Variants in CCNY observed in about 807,000 individuals in gnomAD.
The protein encoded by CCNY is cyclin Y, also known as cyclin-Y.
A neutral mutation model predicts 42.8 loss-of-function variants in CCNY; 19 were observed. The observed-to-expected ratio is 0.44, with a 90% CI of 0.31 to 0.65. The LOEUF (loss-of-function observed/expected upper bound fraction) is 0.65, where lower values mean the gene tolerates loss of function less well. CCNY is among the 30% of genes least tolerant of loss of function. The pLI is 0.07. For missense variants in CCNY, 370 were observed against 437.3 expected, an observed-to-expected ratio of 0.85 and a Z score of 1.37; for synonymous variants, 165 against 162.7, an observed-to-expected ratio of 1.01 and a Z score of -0.11.
chr10:35,568,212 T>C (rs916162046), intron 9 of CCNY, among the ~76,000 whole-genome samples: 1 of 152,230 alleles, frequency 6.6e-6, no homozygotes, highest in Non-Finnish European at 1.5e-5. Flanking sequence ...GCACCTGCTG[T>C]TCCCTCAGGT....
chr10:35,298,156 A>G (rs1039769907), intron 3 of CCNY, among the ~76,000 whole-genome samples: 1 of 152,236 alleles, frequency 6.6e-6, no homozygotes, highest in Non-Finnish European at 1.5e-5. Flanking sequence ...ACATAGACCA[A>G]TGGAACAGAA....
At chr10:35,472,546 A>G (rs1366675768) in intron 1 of CCNY, among the ~76,000 whole-genome samples, 1 of 152,068 alleles carries the variant, frequency 6.6e-6, no homozygotes, top group Admixed American at 6.6e-5. Context: ...TATCCTCAGT[A>G]CCTGTAACTC....
At chr10:35,521,151 C>T (rs1348865897) in intron 4 of CCNY, among the ~76,000 whole-genome samples, 1 of 152,202 alleles carries the variant, frequency 6.6e-6, no homozygotes, top group Admixed American at 6.5e-5. Context: ...TTTTCTTGTG[C>T]AAGAAAATAG....
At chr10:35,430,351 A>AAAG in intron 1 of CCNY, among the ~76,000 whole-genome samples, 1 of 150,190 alleles carries the variant, frequency 6.7e-6, no homozygotes, top group East Asian at 1.9e-4. Flanking sequence ...AAAAAAAAAA[A>AAAG]AAAAAAAAAA....
At chr10:35,263,356 C>CAAAAAAAAAAA (rs71523372) in intron 3 of CCNY, among the ~76,000 whole-genome samples, 1 of 44,298 alleles carries the variant, frequency 2.3e-5, no homozygotes, top group Non-Finnish European at 4.1e-5. Context: ...GACTCCGTCT[C>CAAAAAAAAAAA]AAAAAAAAAA....
chr10:35,294,082 G>C (rs957158995), intron 3 of CCNY, among the ~76,000 whole-genome samples: 1 of 152,118 alleles, frequency 6.6e-6, no homozygotes, highest in South Asian at 2.1e-4. Flanking sequence ...GAGCCACTGC[G>C]TCTGGCACAA....
intron 3 of CCNY, among the ~76,000 whole-genome samples, chr10:35,287,533 T>C (rs139600864): frequency 3.1e-4 from 47 of 152,360 alleles, no homozygotes; most frequent in African/African-American, 1.0e-3. Context: ...ATCTGTTTTC[T>C]TTCCGTATTA....
At chr10:35,527,649 GCT>G in intron 5 of CCNY, among the ~76,000 whole-genome samples, 1 of 152,206 alleles carries the variant, frequency 6.6e-6, no homozygotes, top group Non-Finnish European at 1.5e-5. Context: ...TTAATCTATT[GCT>G]CTCCTAGATT....
intron 1 of CCNY, among the ~76,000 whole-genome samples, chr10:35,461,283 G>GA (rs1286633723): frequency 6.6e-6 from 1 of 152,296 alleles, no homozygotes; most frequent in Non-Finnish European, 1.5e-5. Flanking sequence ...TGTGATGGGG[G>GA]AAAGAGATTA....
rs1239265544 is a variant in CCNY at position 35,572,309 on chromosome 10, T to A, written c.*3139T>A. The A allele has an allele frequency of 6.6e-6, 1 of 151,776 alleles. No individual in the cohort carries two copies. The highest frequency in any genetic ancestry group is 2.4e-5 in the African/African-American group (1 of 41,216). 9.4% of individuals were successfully genotyped at this position (151,776 alleles called of 1,614,324 possible). A position where few individuals can be genotyped will look rare whatever the true frequency, so the allele number is the denominator to read the frequency against. On this transcript the variant is annotated 3_prime_UTR_variant, in exon 10 of 10. Transcript: ENST00000374704. The stretch of plus-strand genomic sequence containing the variant: ...TTTTTTTTCTTTTTTTGAGATGGAG[T>A]CTCGCTCTTGTCACCCAGGCTGGTG...
intron 1 of CCNY, among the ~76,000 whole-genome samples, chr10:35,422,835 C>CT (rs1429616192): frequency 1.3e-5 from 2 of 152,010 alleles, no homozygotes; most frequent in Non-Finnish European, 2.9e-5. Flanking sequence ...TGTTTTATTG[C>CT]TAAAAAACAT....
At chr10:35,348,635 A>G (rs1836359837) in intron 1 of CCNY, among the ~76,000 whole-genome samples, 3 of 152,220 alleles carry the variant, frequency 2.0e-5, no homozygotes, top group South Asian at 2.1e-4. Context: ...GGAGGACCCC[A>G]TTGCAAGATA....
At chr10:35,519,760 C>A (rs957827991) in intron 4 of CCNY, among the ~76,000 whole-genome samples, 1 of 114,766 alleles carries the variant, frequency 8.7e-6, no homozygotes, top group Non-Finnish European at 1.9e-5. Flanking sequence ...AAAGTATCTT[C>A]TTTTTCTTTT....
At chr10:35,504,035 CTTA>C (rs773520572) in intron 3 of CCNY, among the ~76,000 whole-genome samples, 2 of 152,068 alleles carry the variant, frequency 1.3e-5, no homozygotes, top group Non-Finnish European at 2.9e-5. Flanking sequence ...ATTTTTCGCC[CTTA>C]TTATACCATT....
At chr10:35,540,767 T>C (rs182181161) in intron 7 of CCNY, among the ~76,000 whole-genome samples, 15 of 152,330 alleles carry the variant, frequency 9.8e-5, no homozygotes. Context: ...TTTCTAGGAA[T>C]TTGTGCATTT....
intron 1 of CCNY, among the ~76,000 whole-genome samples, chr10:35,427,411 G>T (rs1340315969): frequency 6.6e-6 from 1 of 152,190 alleles, no homozygotes; most frequent in African/African-American, 2.4e-5. Context: ...AACTTCCTAG[G>T]TGAGTCTAAT....
intron 1 of CCNY, among the ~76,000 whole-genome samples, chr10:35,430,786 C>T (rs1237699304): frequency 6.6e-6 from 1 of 151,970 alleles, no homozygotes; most frequent in African/African-American, 2.4e-5. Flanking sequence ...AGGGATATTT[C>T]AAAAAATGTT....
At chr10:35,337,255 G>A (rs1350513539) in intron 1 of CCNY, 48 bp downstream of exon 1, 2 of 1,439,532 alleles carry the variant, frequency 1.4e-6, no homozygotes, top group Admixed American at 2.3e-5. Context: ...GGCAACAGTC[G>A]CACAGCCAAC....
At chr10:35,434,887 C>G (rs775964071) in intron 1 of CCNY, among the ~76,000 whole-genome samples, 1 of 152,194 alleles carries the variant, frequency 6.6e-6, no homozygotes, top group African/African-American at 2.4e-5. Flanking sequence ...TCACTTTGTG[C>G]CCCTTATACT....
Sources: gnomAD v4.1 joint callset for allele counts (sites outside exome capture counted in the v4.1 genomes callset) on GRCh38, gnomAD v4.1.1 for gene constraint, MANE v1.5 for transcripts, NCBI Gene and HGNC (gene_info 2026-07-23, HGNC 2026-07-21) for gene names.